The following MED13L variants were observed in gnomAD, a reference collection of about 807,000 sequenced individuals.
The protein encoded by MED13L is mediator of RNA polymerase II transcription subunit 13-like.
Under a neutral mutation model 220.9 loss-of-function variants are expected in MED13L, and 7 were observed. That is an observed-to-expected ratio of 0.03 (90% CI 0.02 to 0.06). The LOEUF (loss-of-function observed/expected upper bound fraction) is 0.06, where lower values mean the gene tolerates loss of function less well. MED13L is among the 10% of genes least tolerant of loss of function. The pLI, the probability that MED13L is intolerant of heterozygous loss-of-function variation, is 1.00. For missense variants in MED13L, 1,965 were observed against 2,760.5 expected (o/e 0.71, Z 6.46); for synonymous variants, 1,011 against 1,015.2 (o/e 1.00, Z 0.08).
chr12:116,035,579 T>C lies in MED13L; in HGVS notation c.480-12978A>G, dbSNP rs1056773839. ...TCCAGTAAGTAACACTAAAACTATA[T>C]TCTTATTAATTAATTAATTAATTTA... is the stretch of plus-strand genomic sequence containing the variant. On this transcript the variant is annotated intron_variant, in intron 4 of 30. Coordinates refer to ENST00000281928, the MANE Select transcript of MED13L (RefSeq NM_015335.5). 3.9e-5 allele frequency among the ~76,000 whole-genome samples: 6 copies of C among 152,136 alleles called. No individual in the cohort carries two copies. The East Asian group carries it at 7.7e-4, about 20-fold the overall frequency.
intron 2 of MED13L, among the ~76,000 whole-genome samples, chr12:116,196,882 TAGAC>T (rs1029816000): frequency 2.0e-5 from 3 of 152,222 alleles, no homozygotes; most frequent in African/African-American, 4.8e-5. Flanking sequence ...ATTTTAGCAT[TAGAC>T]AGACATGTCT....
intron 1 of MED13L, among the ~76,000 whole-genome samples, chr12:116,261,895 A>G (rs1170748248): frequency 2.0e-5 from 3 of 152,134 alleles, no homozygotes; most frequent in Non-Finnish European, 4.4e-5. Context: ...TCTCACACCT[A>G]GACTGTTCTA....
intron 1 of MED13L, among the ~76,000 whole-genome samples, chr12:116,246,732 G>A (rs1871124158): frequency 8.1e-6 from 1 of 123,330 alleles, no homozygotes; most frequent in Non-Finnish European, 1.7e-5. Flanking sequence ...GATCACCTGA[G>A]CTAAGGAGTT....
chr12:116,243,772 G>T (rs897038965), intron 1 of MED13L, among the ~76,000 whole-genome samples: 1 of 152,094 alleles, frequency 6.6e-6, no homozygotes, highest in Non-Finnish European at 1.5e-5. Flanking sequence ...GAAATTAGGA[G>T]GTCTAGGTCC....
chr12:116,040,142 GT>G (rs1027540655), intron 4 of MED13L, among the ~76,000 whole-genome samples: 3 of 152,096 alleles, frequency 2.0e-5, no homozygotes, highest in African/African-American at 7.2e-5. Context: ...AAATTGTGGT[GT>G]TTTTTTCCTT....
intron 2 of MED13L, among the ~76,000 whole-genome samples, chr12:116,216,485 AC>A (rs1453129535): frequency 6.6e-6 from 1 of 152,154 alleles, no homozygotes; most frequent in South Asian, 2.1e-4. Flanking sequence ...TAGCATCTAA[AC>A]CTTCAAGAAT....
intron 4 of MED13L, among the ~76,000 whole-genome samples, chr12:116,064,690 C>T (rs894192730): frequency 6.6e-6 from 1 of 152,198 alleles, no homozygotes; most frequent in Admixed American, 6.5e-5. Flanking sequence ...CTTAAACACA[C>T]AACAAAGCAA....
chr12:116,073,941 G>A (rs1870583176), intron 4 of MED13L, among the ~76,000 whole-genome samples: 1 of 152,200 alleles, frequency 6.6e-6, no homozygotes, highest in Non-Finnish European at 1.5e-5. Flanking sequence ...AGAAGAATAA[G>A]ATGTATCACT....
chr12:116,128,270 A>C (rs1875763913), intron 2 of MED13L, among the ~76,000 whole-genome samples: 1 of 152,214 alleles, frequency 6.6e-6, no homozygotes, highest in South Asian at 2.1e-4. Context: ...GAAAACATTC[A>C]AAGTGGAGCA....
chr12:115,972,751 G>A (rs1876677662), intron 25 of MED13L, among the ~76,000 whole-genome samples: 2 of 152,208 alleles, frequency 1.3e-5, no homozygotes, highest in South Asian at 4.1e-4. Context: ...CTCACAACGA[G>A]TGTGAGTGAA....
At chr12:116,207,546 C>CA (rs1406944981) in intron 2 of MED13L, among the ~76,000 whole-genome samples, 2 of 151,636 alleles carry the variant, frequency 1.3e-5, no homozygotes, top group Non-Finnish European at 2.9e-5. Context: ...CAGACAACAA[C>CA]AAAAAAAGAG....
intron 1 of MED13L, among the ~76,000 whole-genome samples, chr12:116,245,833 A>C (rs1871050820): frequency 6.6e-6 from 1 of 152,178 alleles, no homozygotes; most frequent in South Asian, 2.1e-4. Flanking sequence ...GAAAATACAG[A>C]AAATAAAGAG....
chr12:116,209,661 C>T (rs1430543223), intron 2 of MED13L, among the ~76,000 whole-genome samples: 1 of 152,126 alleles, frequency 6.6e-6, no homozygotes, highest in Non-Finnish European at 1.5e-5. Flanking sequence ...TGCTTCCTAC[C>T]AAATGCTGAG....
At chr12:116,214,802 T>A (rs1565931942) in intron 2 of MED13L, among the ~76,000 whole-genome samples, 1 of 152,152 alleles carries the variant, frequency 6.6e-6, no homozygotes, top group Non-Finnish European at 1.5e-5. Flanking sequence ...GGTCAATAAA[T>A]GTATTTGGTT....
At chr12:115,962,650 G>A (rs1168723303) in intron 30 of MED13L, 1 of 152,362 alleles carries the variant, frequency 6.6e-6, no homozygotes, top group Non-Finnish European at 1.5e-5. Context: ...ATTTTCTCAA[G>A]GTAGATGAAG....
At chr12:116,143,599 G>A (rs1383219982) in intron 2 of MED13L, among the ~76,000 whole-genome samples, 2 of 152,240 alleles carry the variant, frequency 1.3e-5, no homozygotes, top group East Asian at 3.9e-4. Context: ...TCTCAGAGCT[G>A]ACTCATTTCC....
chr12:116,093,331 A>G (rs996871910), intron 4 of MED13L, among the ~76,000 whole-genome samples: 2 of 152,188 alleles, frequency 1.3e-5, no homozygotes, highest in African/African-American at 4.8e-5. Context: ...ATGTCAATAT[A>G]GAGAAAAAAT....
intron 2 of MED13L, among the ~76,000 whole-genome samples, chr12:116,137,693 G>A (rs1324405720): frequency 2.6e-5 from 4 of 152,062 alleles, no homozygotes; most frequent in Admixed American, 1.3e-4. Flanking sequence ...AGATTAAGCA[G>A]CAGACTGCAC....
At chr12:116,007,306 G>A (rs1368305593) in intron 11 of MED13L, 105 bp downstream of exon 11, 18 of 1,020,638 alleles carry the variant, frequency 1.8e-5, no homozygotes, top group Non-Finnish European at 2.5e-5. Context: ...GAGCAATCAG[G>A]CAAGACTATC....
Sources: allele counts gnomAD v4.1 joint callset (sites outside exome capture counted in the v4.1 genomes callset), GRCh38; gene constraint gnomAD v4.1.1; transcripts MANE v1.5; gene names NCBI Gene and HGNC (gene_info 2026-07-23, HGNC 2026-07-21).